Variants in CLIP4 observed in about 807,000 individuals in gnomAD.
The protein encoded by CLIP4 is CAP-Gly domain containing linker protein family member 4.
A neutral mutation model predicts 73.1 loss-of-function variants in CLIP4; 47 were observed. The observed-to-expected ratio is 0.64, with a 90% CI of 0.51 to 0.82. The LOEUF (loss-of-function observed/expected upper bound fraction) is 0.82, where lower values mean the gene tolerates loss of function less well. Ranked by LOEUF, CLIP4 falls within the 40% of genes least tolerant of loss-of-function variation. The pLI, the probability that CLIP4 is intolerant of heterozygous loss-of-function variation, is 0.00. For missense variants in CLIP4, 874 were observed against 852.9 expected, an observed-to-expected ratio of 1.02 and a Z score of -0.31; for synonymous variants, 306 against 295.4, an observed-to-expected ratio of 1.04 and a Z score of -0.37.
At chr2:29,131,483 A>G (rs982421680) in intron 3 of CLIP4, 86 bp downstream of exon 3, 107 of 1,392,990 alleles carry the variant, frequency 7.7e-5, no homozygotes, top group Admixed American at 6.2e-4. Context: ...GAAGATGGTA[A>G]TAAAGGAGAA....
chr2:29,181,868 C>A lies in CLIP4; in HGVS notation c.2093C>A (p.Ser698Ter). Residue 698 changes from serine to a stop codon, truncating the protein, a stop_gained, in exon 16 of 16, where the codon TCA (serine) becomes TAA (stop). Transcript: ENST00000320081. LOFTEE classifies it high-confidence loss of function. ...GTGACCTATCGGGGAATTAATGGGT[C>A]AAAACTTGTGGATGAGAATTGTTAA... ...SRVTYRGING[S>*]KLVDENC 6.2e-7 allele frequency: 1 copy of A among 1,608,290 alleles called. No homozygotes were observed. The highest frequency in any genetic ancestry group is 1.1e-5 in the South Asian group (1 of 90,602).
intron 1 of CLIP4, among the ~76,000 whole-genome samples, chr2:29,109,694 C>T (rs143023674): frequency 1.2e-3 from 179 of 152,172 alleles, no homozygotes; most frequent in African/African-American, 4.2e-3. Flanking sequence ...GGAGCAGTGC[C>T]CCATGTAGGA....
chr2:29,183,361 A>T lies in CLIP4; in HGVS notation c.*1468A>T, dbSNP rs1668732454. Reference sequence around the variant, plus strand: ...CCTTTTTAAAATAGTGTGGTATTTCAAATATTGCTAGAGCTATTTTCCTGA... The same window carrying T: ...CCTTTTTAAAATAGTGTGGTATTTCTAATATTGCTAGAGCTATTTTCCTGA... On this transcript the variant is annotated 3_prime_UTR_variant, in exon 16 of 16. Transcript: ENST00000320081. 6.5e-6 allele frequency: 1 copy of T among 152,672 alleles called. No individual in the cohort carries two copies. Among genetic ancestry groups the T allele is most frequent in the Admixed American group, 6.5e-5 (1 of 15,288 alleles). The allele number at this position is 152,672 out of a possible 1,614,324, so 9.5% of individuals were successfully genotyped here.
chr2:29,115,210 C>A (rs892748505), upstream of CLIP4: 2 of 152,394 alleles, frequency 1.3e-5, no homozygotes, highest in South Asian at 4.1e-4. The surrounding 1 kb of genome is among the most constrained non-coding windows in gnomAD (Gnocchi z 5.1). Flanking sequence ...AGACGTGAGG[C>A]CGCGAGGCTG....
In CLIP4 at chr2:29,110,378, C is replaced by A. The variant is rs562279349; in HGVS notation, c.-15-10996C>A. On this transcript the variant is annotated intron_variant, in intron 1 of 14. Coordinates refer to the CLIP4 transcript ENST00000401605. ...AGTGGCTACTGATTTGTAAGGATTT[C>A]TATGGTATGTGAATTTACTTAATAA... Among the ~76,000 whole-genome samples, 11 of 152,246 alleles carry A rather than the reference C, an allele frequency of 7.2e-5. No individual in the cohort carries two copies. The South Asian group carries it at 2.1e-3, about 29-fold the overall frequency.
intron 8 of CLIP4, among the ~76,000 whole-genome samples, chr2:29,145,723 C>T (rs1372629330): frequency 6.6e-6 from 1 of 152,190 alleles, no homozygotes; most frequent in Non-Finnish European, 1.5e-5. Flanking sequence ...GCTCTGTCGC[C>T]CAGGCTATAG....
intron 6 of CLIP4, 95 bp downstream of exon 6, chr2:29,135,761 C>A: frequency 1.3e-6 from 1 of 777,142 alleles, no homozygotes; most frequent in Non-Finnish European, 2.1e-6. Flanking sequence ...AATAGAAGAA[C>A]TCTTACATGA....
At chr2:29,162,936 A>G (rs1667384484) in intron 12 of CLIP4, among the ~76,000 whole-genome samples, 1 of 152,136 alleles carries the variant, frequency 6.6e-6, no homozygotes, top group Non-Finnish European at 1.5e-5. Flanking sequence ...GTTTCTTGAT[A>G]TCTATCTCCT....
upstream of CLIP4, chr2:29,114,218 C>T (rs1017914649): frequency 2.6e-5 from 4 of 152,254 alleles, no homozygotes; most frequent in African/African-American, 7.2e-5. Flanking sequence ...CTTTCCTCTC[C>T]GCACTTGGCA....
intron 5 of CLIP4, among the ~76,000 whole-genome samples, chr2:29,134,838 C>A (rs543693457): frequency 6.6e-6 from 1 of 152,226 alleles, no homozygotes; most frequent in Non-Finnish European, 1.5e-5. Flanking sequence ...TTACTTTTCT[C>A]ATTATGAAAT....
In CLIP4 at chr2:29,160,352, A is replaced by T. The variant is rs35642516; in HGVS notation, c.1419A>T (p.Thr473=). The part of the protein sequence containing the change: ...RASAGLNSSA[T]STANNSRCEG... ...AAACAGGTTTGAATTCCTCAGCAAC[A>T]TCTACAGCAAATAATAGCCGTTGCG... The change falls in exon 12 of 16, where the codon ACA becomes ACT. Residue 473 remains threonine (T), a synonymous_variant. Transcript: ENST00000320081. The T allele has an allele frequency of 1.2e-6, 2 of 1,613,956 alleles. No homozygotes were observed. The highest frequency in any genetic ancestry group is 3.3e-5 in the Admixed American group (2 of 59,990).
chr2:29,177,505 T>TG (rs1167180099), intron 15 of CLIP4, among the ~76,000 whole-genome samples: 2 of 151,750 alleles, frequency 1.3e-5, no homozygotes, highest in African/African-American at 4.8e-5. Context: ...CACTTGAACC[T>TG]GGGGGGCAGA....
rs2148129413 is a variant in CLIP4 at position 29,182,808 on chromosome 2, A to T, written c.*915A>T. The T allele has an allele frequency of 6.5e-6, 1 of 152,780 alleles. No homozygotes were observed. The highest frequency in any genetic ancestry group is 2.4e-5 in the African/African-American group (1 of 41,576). 9.5% of individuals were successfully genotyped at this position (152,780 alleles called of 1,614,324 possible). On this transcript the variant is annotated 3_prime_UTR_variant, in exon 16 of 16. Transcript: ENST00000320081. ...CACTTTTCAAACATGATGCACTTTT[A>T]TCTTTGTGAATAATTTACTGTCCTT...
Position 29,133,824 on chromosome 2 carries a change from T to A in CLIP4, c.529+8T>A. On this transcript the variant is annotated splice_region_variant and intron_variant, in intron 5 of 15. Transcript: ENST00000320081. The stretch of plus-strand genomic sequence containing the variant: ...AAACATCGAAACCAAAAGGCAAGTA[T>A]TATAAGATCACCTTTAGATATTATT... The A allele has an allele frequency of 6.3e-7, 1 of 1,593,226 alleles. No homozygotes were observed. The highest frequency in any genetic ancestry group is 8.5e-7 in the Non-Finnish European group (1 of 1,170,760).
At chr2:29,111,888 C>A (rs1668393891), upstream of CLIP4, among the ~76,000 whole-genome samples, 1 of 152,178 alleles carries the variant, frequency 6.6e-6, no homozygotes, top group Admixed American at 6.5e-5. Flanking sequence ...TAGTCTCCTG[C>A]ATTTTCTTTT....
chr2:29,100,005 T>A (rs1572845108), intron 1 of CLIP4, among the ~76,000 whole-genome samples: 1 of 152,220 alleles, frequency 6.6e-6, no homozygotes, highest in Admixed American at 6.5e-5. Context: ...TGCTGGTATA[T>A]ACGAAAGCAA....
chr2:29,101,331 G>A (rs1040112058), intron 1 of CLIP4, among the ~76,000 whole-genome samples: 3 of 150,856 alleles, frequency 2.0e-5, no homozygotes, highest in African/African-American at 4.9e-5. Context: ...AAAAAGTAGG[G>A]AAGCCGATAG....
At chr2:29,180,497 G>T (rs908042499) in intron 15 of CLIP4, among the ~76,000 whole-genome samples, 2 of 152,178 alleles carry the variant, frequency 1.3e-5, no homozygotes, top group Non-Finnish European at 2.9e-5. Flanking sequence ...TCAGACCCTC[G>T]TTAGTGTTAG....
chr2:29,098,662 CCTA>C (rs1421563785), intron 1 of CLIP4, among the ~76,000 whole-genome samples: 2 of 152,166 alleles, frequency 1.3e-5, no homozygotes, highest in Non-Finnish European at 2.9e-5. Flanking sequence ...GAAAAAAGCT[CCTA>C]CTAACATTCA....
Sources: gnomAD v4.1 joint callset for allele counts (sites outside exome capture counted in the v4.1 genomes callset) on GRCh38, gnomAD v4.1.1 for gene constraint, Gnocchi (gnomAD v3.1) non-coding constraint, MANE v1.5 for transcripts, NCBI Gene and HGNC (gene_info 2026-07-23, HGNC 2026-07-21) for gene names.